Variants in BSND observed in about 807,000 individuals in gnomAD.
The protein encoded by BSND is barttin CLCNK type accessory subunit beta, also known as barttin.
BSND carries 13 observed loss-of-function variants against 18.8 expected under a neutral mutation model. The ratio of observed to expected loss-of-function variants is 0.69; its 90% confidence interval spans 0.45 to 1.10. BSND has a LOEUF of 1.10. BSND is among the 50% of genes least tolerant of loss of function. The pLI is 0.00. For synonymous variants in BSND, 170 were observed against 161.8 expected (o/e 1.05, Z -0.39); for missense variants, 379 against 416.7 (o/e 0.91, Z 0.79).
chr1:55,001,171 G>T (rs952109374), intron 1 of BSND, among the ~76,000 whole-genome samples: 1 of 151,350 alleles, frequency 6.6e-6, no homozygotes, highest in Non-Finnish European at 1.5e-5. Flanking sequence ...TCTGAGCCTT[G>T]TACGGCTGAT....
At position 55,009,528 on chromosome 1, in the gene BSND, G is replaced by A. The variant is rs1403993317; in HGVS notation, c.*900G>A. 6.6e-6 allele frequency: 1 copy of A among 152,224 alleles called. No homozygotes were observed. The highest frequency in any genetic ancestry group is 1.5e-5 in the Non-Finnish European group (1 of 68,078). The allele number at this position is 152,224 out of a possible 1,614,324, so 9.4% of individuals were successfully genotyped here. A position where few individuals can be genotyped will look rare whatever the true frequency, so the allele number is the denominator to read the frequency against. ...GTGTACAGAACTCACCAGGACCCAG[G>A]AACCTGTTGCAGATAAAATCACTCT... On this transcript the variant is annotated 3_prime_UTR_variant, in exon 4 of 4. Transcript: ENST00000651561.
At position 55,007,272 on chromosome 1, in the gene BSND, G is replaced by A. The variant is rs1253526087; in HGVS notation, c.548G>A (p.Gly183Asp). 1.9e-6 allele frequency: 3 copies of A among 1,601,190 alleles called. No homozygotes were observed. The highest frequency in any genetic ancestry group is 2.6e-6 in the Non-Finnish European group (3 of 1,171,554). Residue 183 changes from glycine to aspartate, a missense_variant and splice_region_variant, in exon 3 of 4, where the codon GGC becomes GAC. By Grantham distance (94) the Gly-to-Asp change is moderately conservative. Coordinates refer to ENST00000651561, the MANE Select transcript of BSND (RefSeq NM_057176.3). ...GERRLTQSWP[G>D]PLACPQGPAP... ...AGACGCCTAACTCAGAGCTGGCCCG[G>A]GTGAGTGCTTAGAGGGCAGGAGTGG...
At chr1:55,003,782 T>C (rs1280223499) in intron 1 of BSND, among the ~76,000 whole-genome samples, 1 of 152,236 alleles carries the variant, frequency 6.6e-6, no homozygotes, top group African/African-American at 2.4e-5. Flanking sequence ...AGGGATTCCC[T>C]ATATATGATC....
chr1:55,006,183 G>A (rs1393928314), intron 2 of BSND, among the ~76,000 whole-genome samples: 1 of 152,196 alleles, frequency 6.6e-6, no homozygotes, highest in East Asian at 1.9e-4. Flanking sequence ...GCCTCAGTGG[G>A]AAGGAAGGGG....
rs369618892 is a variant in BSND, at chr1:55,007,206, C to T, written c.482C>T (p.Ala161Val). The change falls in exon 3 of 4, where the codon GCC becomes GTC. Residue 161 changes from alanine to valine, a missense_variant. By Grantham distance (64) the Ala-to-Val change is moderately conservative. Coordinates refer to ENST00000651561, the MANE Select transcript of BSND (RefSeq NM_057176.3). ...GACGTTCAGGCCTGGATGGAGGCTG[C>T]CGTGGTCATCCACAAGGGCTCAGAC... ...PGDVQAWMEAAVVIHKGSDES... is the reference protein window; with the variant it reads ...PGDVQAWMEAVVVIHKGSDES... 32 of 1,614,060 alleles carry T rather than the reference C, an allele frequency of 2.0e-5. No individual in the cohort carries two copies. The Middle Eastern group carries it at 1.8e-3, about 92-fold the overall frequency.
rs1429113578 is a variant in BSND, at chr1:55,015,689, C to T, written c.*7061C>T. Among the ~76,000 whole-genome samples the T allele has an allele frequency of 1.3e-5, 2 of 152,110 alleles. No individual in the cohort carries two copies. Among genetic ancestry groups the T allele is most frequent in the Admixed American group, 6.5e-5 (1 of 15,280 alleles). ...AACACTATGCACCTGCTTTGTGCCA[C>T]CCCCTGTGCTAGGTACTGGGGGAAG... On this transcript the variant is annotated 3_prime_UTR_variant, in exon 4 of 4. Transcript: ENST00000651561.
At chr1:55,003,827 C>T (rs187110663) in intron 1 of BSND, among the ~76,000 whole-genome samples, 26 of 149,610 alleles carry the variant, frequency 1.7e-4, no homozygotes, top group Admixed American at 5.9e-4. Context: ...AGGAGACTGG[C>T]GTAACTAGCC....
chr1:55,008,235 C>T lies in BSND; in HGVS notation c.570C>T (p.Gly190=), dbSNP rs368273749. Residue 190 remains glycine, a synonymous_variant, in exon 4 of 4, where the codon GGC becomes GGT. Coordinates refer to ENST00000651561, the MANE Select transcript of BSND (RefSeq NM_057176.3). ...SWPGPLACPQ[G]PAPLASFQDD... The stretch of plus-strand genomic sequence containing the variant: ...GCAGCCCCCTGGCCTGTCCCCAGGG[C>T]CCTGCCCCCTTGGCTTCCTTCCAAG... The T allele has an allele frequency of 1.5e-5, 24 of 1,614,174 alleles. No homozygotes were observed. Among genetic ancestry groups the T allele is most frequent in the South Asian group, 1.2e-4 (11 of 91,078 alleles).
At position 55,005,106 on chromosome 1, in the gene BSND, G is replaced by A. The variant is rs771232166; in HGVS notation, c.262G>A (p.Glu88Lys). 9 of 1,614,020 alleles carry A rather than the reference G, an allele frequency of 5.6e-6. No individual in the cohort carries two copies. Among genetic ancestry groups the A allele is most frequent in the African/African-American group, 5.3e-5 (4 of 74,936 alleles). The change falls in exon 2 of 4, where the codon GAG (glutamate) becomes AAG (lysine). Residue 88 changes from glutamate (E) to lysine (K), a missense_variant. Physicochemically the swap from Glu to Lys is moderately conservative, Grantham distance 56. Transcript: ENST00000651561. ...CCTGCTGGAGAATGGGCTTGCTGCC[G>A]AGATGAAGAGGTAGGTGCCAGGCCC... ...MGLLENGLAA[E>K]MKSPSPQPPY...
At chr1:54,999,416 G>A (rs186974289) in intron 1 of BSND, 53 bp downstream of exon 1, 1 of 1,559,472 alleles carries the variant, frequency 6.4e-7, no homozygotes, top group East Asian at 2.3e-5. Flanking sequence ...CAGGAGGGCT[G>A]GACACTGTGC....
intron 2 of BSND, among the ~76,000 whole-genome samples, chr1:55,006,617 T>G (rs1644392537): frequency 6.6e-6 from 1 of 152,218 alleles, no homozygotes; most frequent in Non-Finnish European, 1.5e-5. Context: ...AATTTCTGCC[T>G]CAAGGCATTT....
chr1:55,001,369 G>C (rs1339111827), intron 1 of BSND, among the ~76,000 whole-genome samples: 2 of 152,108 alleles, frequency 1.3e-5, no homozygotes, highest in Admixed American at 1.3e-4. Context: ...GTGAGTGTGT[G>C]TTTCAGAGAT....
Position 55,008,292 on chromosome 1 carries a change from C to T in BSND, c.627C>T (p.Ser209=), listed in dbSNP as rs1644401853. 1.2e-6 allele frequency: 2 copies of T among 1,614,226 alleles called. No individual in the cohort carries two copies. Among genetic ancestry groups the T allele is most frequent in the South Asian group, 1.1e-5 (1 of 91,084 alleles). The change falls in exon 4 of 4, where the codon AGC becomes AGT. Residue 209 remains serine, a synonymous_variant. Transcript: ENST00000651561. ...DDLDMDSSEG[S]SPNASPHDRE... ...TGGACATGGACTCCAGTGAAGGCAG[C>T]AGCCCCAATGCATCTCCACATGACA...
At chr1:54,999,674 G>A (rs546705325) in intron 1 of BSND, among the ~76,000 whole-genome samples, 1 of 152,158 alleles carries the variant, frequency 6.6e-6, no homozygotes, top group Non-Finnish European at 1.5e-5. Context: ...GCTAATGAGC[G>A]CTGACCCCCT....
rs1298272324 is a variant in BSND at position 55,005,073 on chromosome 1, G to T, written c.229G>T (p.Ala77Ser). The stretch of plus-strand genomic sequence containing the variant: ...CTTTCAAGGCATCCTCTCCCCAAAG[G>T]CCATGGGCCTGCTGGAGAATGGGCT... Reference protein sequence around the residue: ...SDFQGILSPKAMGLLENGLAA... With the variant: ...SDFQGILSPKSMGLLENGLAA... The change falls in exon 2 of 4, where the codon GCC becomes TCC. Residue 77 changes from alanine to serine, a missense_variant. Transcript: ENST00000651561. 1.2e-6 allele frequency: 2 copies of T among 1,614,186 alleles called. No individual in the cohort carries two copies. The highest frequency in any genetic ancestry group is 1.7e-6 in the Non-Finnish European group (2 of 1,180,032).
At chr1:55,004,760 T>C (rs553366750) in intron 1 of BSND, among the ~76,000 whole-genome samples, 2 of 152,342 alleles carry the variant, frequency 1.3e-5, no homozygotes, top group Admixed American at 1.3e-4. Context: ...TTGCTGCTCC[T>C]AGTGCCTGCG....
At position 55,012,148 on chromosome 1, in the gene BSND, C is replaced by A. The variant is rs12093385; in HGVS notation, c.*3520C>A. Among the ~76,000 whole-genome samples the A allele has an allele frequency of 0.094, 14,330 of 152,226 alleles. 727 individuals carry two copies. Among genetic ancestry groups the A allele is most frequent in the Middle Eastern group, 0.15 (45 of 294 alleles). ...GGCAGGGGGCCCAGGGGCAGGGAAC[C>A]TGGGCTCTGCCGACCGCTCGCCATG... On this transcript the variant is annotated 3_prime_UTR_variant, in exon 4 of 4. Transcript: ENST00000651561.
In BSND at chr1:55,005,061, C is replaced by A. The variant is rs754054547; in HGVS notation, c.217C>A (p.Leu73Ile). The A allele has an allele frequency of 2.5e-6, 4 of 1,614,092 alleles. No individual in the cohort carries two copies. In the Admixed American group the frequency reaches 5.0e-5, roughly 20 times the overall value. The change falls in exon 2 of 4, where the codon CTC becomes ATC. Residue 73 changes from leucine to isoleucine, a missense_variant. Coordinates refer to ENST00000651561, the MANE Select transcript of BSND (RefSeq NM_057176.3). Reference protein sequence around the residue: ...VPADSDFQGILSPKAMGLLEN... With the variant: ...VPADSDFQGIISPKAMGLLEN... The stretch of plus-strand genomic sequence containing the variant: ...TGCTGACTCTGACTTTCAAGGCATC[C>A]TCTCCCCAAAGGCCATGGGCCTGCT...
At chr1:55,000,834 TGAG>T (rs907834325) in intron 1 of BSND, among the ~76,000 whole-genome samples, 1 of 152,064 alleles carries the variant, frequency 6.6e-6, no homozygotes, top group African/African-American at 2.4e-5. Context: ...CTTCTCCCAG[TGAG>T]GAGGCTGGAC....
Sources: allele counts gnomAD v4.1 joint callset (sites outside exome capture counted in the v4.1 genomes callset), GRCh38; gene constraint gnomAD v4.1.1; transcripts MANE v1.5; gene names NCBI Gene and HGNC (gene_info 2026-07-23, HGNC 2026-07-21).